The following CENPP variants were observed in gnomAD, a reference collection of about 807,000 sequenced individuals.
CENPP encodes the protein centromere protein P.
A neutral mutation model predicts 35.6 loss-of-function variants in CENPP; 24 were observed. That is an observed-to-expected ratio of 0.67 (90% CI 0.49 to 0.95). The LOEUF (loss-of-function observed/expected upper bound fraction) is 0.95. Among genes scored for constraint, CENPP ranks in the 40% least tolerant of loss-of-function variants. CENPP has a pLI of 0.00. For synonymous variants in CENPP, 120 were observed against 125.5 expected (o/e 0.96, Z 0.29); for missense variants, 332 against 345.3 (o/e 0.96, Z 0.31).
chr9:92,412,976 T>G (rs1843486455), intron 5 of CENPP, among the ~76,000 whole-genome samples: 2 of 35,418 alleles, frequency 5.6e-5, no homozygotes, highest in Non-Finnish European at 1.7e-4. Context: ...GTAACTAAGC[T>G]TTTTTTTTTT....
At chr9:92,407,704 C>T (rs534311270) in intron 5 of CENPP, among the ~76,000 whole-genome samples, 1 of 152,100 alleles carries the variant, frequency 6.6e-6, no homozygotes, top group African/African-American at 2.4e-5. Context: ...CTTTGTGGGC[C>T]CAAATGATCC....
At chr9:92,379,657 AG>A in intron 4 of CENPP, 105 bp from the exon 5 acceptor site, 1 of 742,760 alleles carries the variant, frequency 1.3e-6, no homozygotes, top group Admixed American at 2.4e-5. Context: ...AACTACTTCA[AG>A]TTTTTGGTTT....
intron 5 of CENPP, among the ~76,000 whole-genome samples, chr9:92,458,162 T>C (rs1481123739): frequency 2.0e-5 from 3 of 152,238 alleles, no homozygotes; most frequent in Non-Finnish European, 4.4e-5. Flanking sequence ...CGTGTACATG[T>C]CTTTTTAAAT....
chr9:92,543,746 T>C (rs1849368384), intron 5 of CENPP, among the ~76,000 whole-genome samples: 1 of 152,180 alleles, frequency 6.6e-6, no homozygotes, highest in South Asian at 2.1e-4. Context: ...TAGGTTTCAG[T>C]GTAGAGATCT....
intron 5 of CENPP, among the ~76,000 whole-genome samples, chr9:92,500,459 AGGCGT>A (rs530135696): frequency 3.6e-3 from 545 of 152,406 alleles, no homozygotes; most frequent in Non-Finnish European, 6.1e-3. Flanking sequence ...CTGGAATTAC[AGGCGT>A]GAGCCACTGC....
At chr9:92,611,803 G>A (rs965274791) in intron 6 of CENPP, among the ~76,000 whole-genome samples, 3 of 152,188 alleles carry the variant, frequency 2.0e-5, no homozygotes, top group Admixed American at 6.5e-5. Context: ...CACCAGCCCC[G>A]GCGCCACCCT....
intron 2 of CENPP, among the ~76,000 whole-genome samples, chr9:92,333,316 A>G (rs1005951261): frequency 2.0e-5 from 3 of 152,234 alleles, no homozygotes; most frequent in Admixed American, 6.5e-5. Flanking sequence ...ACTGAATTAC[A>G]TGTAGAAACA....
chr9:92,332,190 A>G lies in CENPP; in HGVS notation c.128A>G (p.His43Arg), dbSNP rs138196937. 17 of 1,605,532 alleles carry G rather than the reference A, an allele frequency of 1.1e-5. No individual in the cohort carries two copies. Among genetic ancestry groups the G allele is most frequent in the Non-Finnish European group, 1.4e-5 (17 of 1,177,458 alleles). The change falls in exon 2 of 8, where the codon CAC (histidine) becomes CGC (arginine). Residue 43 changes from histidine (H) to arginine (R), a missense_variant. His to Arg is a conservative substitution (Grantham distance 29, BLOSUM62 0). Coordinates refer to ENST00000375587, the MANE Select transcript of CENPP (RefSeq NM_001012267.3). ...SRVQKSFQAIHQFNLEGWKSS... is the reference protein window; with the variant it reads ...SRVQKSFQAIRQFNLEGWKSS... ...TTTAGAAAATCTTTTCAAGCCATAC[A>G]CCAATTCAATTTGGAAGGATGGAAG...
chr9:92,497,553 G>A (rs761592438), intron 5 of CENPP, among the ~76,000 whole-genome samples: 3 of 151,834 alleles, frequency 2.0e-5, no homozygotes, highest in Admixed American at 6.6e-5. Context: ...GAACCTGGGA[G>A]GTCGAGGTTG....
chr9:92,546,539 A>C (rs1194413553), intron 5 of CENPP, among the ~76,000 whole-genome samples: 2 of 151,938 alleles, frequency 1.3e-5, no homozygotes, highest in Non-Finnish European at 2.9e-5. Flanking sequence ...GTAATAGTCA[A>C]CGCCAAGGTC....
At chr9:92,333,590 G>C (rs1047658504) in intron 2 of CENPP, among the ~76,000 whole-genome samples, 5 of 152,122 alleles carry the variant, frequency 3.3e-5, no homozygotes, top group Non-Finnish European at 7.3e-5. Context: ...TTATGAAGAA[G>C]AAATATCATT....
intron 5 of CENPP, chr9:92,495,322 A>G (rs941491003): frequency 1.6e-5 from 14 of 884,652 alleles, no homozygotes; most frequent in Non-Finnish European, 1.9e-5. Context: ...TCATTATGTT[A>G]GAAAATTTTA....
intron 5 of CENPP, among the ~76,000 whole-genome samples, chr9:92,464,375 C>T (rs937440110): frequency 2.0e-5 from 3 of 152,210 alleles, no homozygotes; most frequent in Admixed American, 6.5e-5. Flanking sequence ...TCACTTCCTA[C>T]GTGCTGGATG....
chr9:92,547,797 A>G (rs769019533), intron 5 of CENPP, among the ~76,000 whole-genome samples: 1 of 152,236 alleles, frequency 6.6e-6, no homozygotes, highest in South Asian at 2.1e-4. Flanking sequence ...TATGCGTTTT[A>G]TGGTACGTAA....
At chr9:92,531,317 G>A (rs1458181803) in intron 5 of CENPP, among the ~76,000 whole-genome samples, 1 of 151,916 alleles carries the variant, frequency 6.6e-6, no homozygotes, top group Non-Finnish European at 1.5e-5. Context: ...ACTTATCAAA[G>A]TCTTAATATA....
chr9:92,556,700 C>T (rs1849730666), intron 5 of CENPP, among the ~76,000 whole-genome samples: 1 of 152,148 alleles, frequency 6.6e-6, no homozygotes. Flanking sequence ...TTTTTCTACC[C>T]CTTTACTTTA....
At chr9:92,444,776 G>T (rs1844509504) in intron 5 of CENPP, among the ~76,000 whole-genome samples, 2 of 152,154 alleles carry the variant, frequency 1.3e-5, no homozygotes, top group Admixed American at 1.3e-4. Context: ...TGGGGAGAGG[G>T]CGTGTGCAAG....
At chr9:92,491,225 A>G (rs1038789813) in intron 5 of CENPP, among the ~76,000 whole-genome samples, 1 of 152,218 alleles carries the variant, frequency 6.6e-6, no homozygotes, top group African/African-American at 2.4e-5. Context: ...GGACCTAACT[A>G]ATAACACTAA....
At chr9:92,336,077 G>C (rs1234210265) in intron 2 of CENPP, among the ~76,000 whole-genome samples, 1 of 152,138 alleles carries the variant, frequency 6.6e-6, no homozygotes, top group Non-Finnish European at 1.5e-5. Context: ...TGTCTCTTTA[G>C]TCTCCTTAAT....
Sources: gnomAD v4.1 joint callset for allele counts (sites outside exome capture counted in the v4.1 genomes callset) on GRCh38, gnomAD v4.1.1 for gene constraint, MANE v1.5 for transcripts, NCBI Gene and HGNC (gene_info 2026-07-23, HGNC 2026-07-21) for gene names.